Variants in ATP6V0A1 observed in about 807,000 individuals in gnomAD.
ATP6V0A1 encodes the protein V-type proton ATPase 116 kDa subunit a 1.
Under a neutral mutation model 105.4 loss-of-function variants are expected in ATP6V0A1, and 43 were observed. The ratio of observed to expected loss-of-function variants is 0.41; its 90% CI spans 0.32 to 0.53. The LOEUF (loss-of-function observed/expected upper bound fraction) is 0.53. ATP6V0A1 is among the 20% of genes least tolerant of loss of function. The probability of loss-of-function intolerance (pLI) is 0.30; values close to 1 mark genes in which losing one functional copy is unlikely to be tolerated. For synonymous variants in ATP6V0A1, 362 were observed against 372.8 expected (o/e 0.97, Z 0.33); for missense variants, 676 against 1,051.1 (o/e 0.64, Z 4.93).
At chr17:42,482,135 C>CTGGCCTTTTTTTT (rs1567827657) in intron 8 of ATP6V0A1, among the ~76,000 whole-genome samples, 2 of 152,006 alleles carry the variant, frequency 1.3e-5, no homozygotes, top group African/African-American at 4.8e-5. Flanking sequence ...GCCACTGTGC[C>CTGGCCTTTTTTTT]TGGCCTTTTT....
chr17:42,487,271 G>A lies in ATP6V0A1; in HGVS notation c.927G>A (p.Leu309=). Residue 309 remains leucine, a synonymous_variant, in exon 10 of 22, where the codon CTG becomes CTA. Transcript: ENST00000343619. ...KMKAIYHTLN[L]CNIDVTQKCL... is the part of the protein sequence containing the mutation. ...AGGCCATCTATCACACCCTGAACCTGTGCAACATAGATGTGACTCAGAAAT... is the reference window on the plus strand; with the variant it reads ...AGGCCATCTATCACACCCTGAACCTATGCAACATAGATGTGACTCAGAAAT... 2 of 1,614,190 alleles carry A rather than the reference G, an allele frequency of 1.2e-6. No homozygotes were observed. The highest frequency in any genetic ancestry group is 1.7e-6 in the Non-Finnish European group (2 of 1,180,036).
At chr17:42,462,967 C>G (rs191881357) in intron 2 of ATP6V0A1, among the ~76,000 whole-genome samples, 24 of 142,476 alleles carry the variant, frequency 1.7e-4, no homozygotes, top group African/African-American at 6.3e-4. Flanking sequence ...TTATACACCT[C>G]TGTAACCAGC....
chr17:42,472,905 CTG>C (rs1440870806), intron 5 of ATP6V0A1, among the ~76,000 whole-genome samples: 1 of 152,128 alleles, frequency 6.6e-6, no homozygotes, highest in African/African-American at 2.4e-5. Flanking sequence ...GAATCAGACA[CTG>C]TGGGAGTTAG....
chr17:42,481,949 C>T (rs2089564863), intron 8 of ATP6V0A1, among the ~76,000 whole-genome samples: 1 of 152,140 alleles, frequency 6.6e-6, no homozygotes. Flanking sequence ...TCCAGCGATT[C>T]TCCTGCCTCA....
At chr17:42,466,101 A>T (rs1390520604) in intron 2 of ATP6V0A1, among the ~76,000 whole-genome samples, 2 of 152,202 alleles carry the variant, frequency 1.3e-5, no homozygotes, top group African/African-American at 4.8e-5. Context: ...AACCAGAGAG[A>T]GCTTCTGTGA....
rs192462814 is a variant in ATP6V0A1, at chr17:42,475,266, A to G, written c.424-2394A>G. The stretch of plus-strand genomic sequence containing the variant: ...TGACATAGCTTGAACTGGATGTGCT[A>G]TTTATACTTAATTGCTGTAGAAACA... On this transcript the variant is annotated intron_variant, in intron 5 of 21. Transcript: ENST00000343619. Among the ~76,000 whole-genome samples the G allele has an allele frequency of 2.6e-5, 4 of 152,308 alleles. No individual in the cohort carries two copies. In the East Asian group the frequency reaches 5.8e-4, roughly 22 times the overall value.
chr17:42,520,777 C>T (rs946271319), intron 21 of ATP6V0A1: 2 of 493,828 alleles, frequency 4.0e-6, no homozygotes, highest in Non-Finnish European at 7.4e-6. Flanking sequence ...GAGAGTTGTG[C>T]ATAAACACAC....
rs2091092588 is a variant in ATP6V0A1, at chr17:42,495,710, T to C, written c.1554T>C (p.Ile518=). The change falls in exon 14 of 22, where the codon ATT becomes ATC. Residue 518 remains isoleucine, a synonymous_variant. Coordinates refer to ENST00000343619, the MANE Select transcript of ATP6V0A1 (RefSeq NM_001130021.3). Reference sequence around the variant, plus strand: ...TTGGTGGACCATACCCTTTTGGCATTGATCCAGTAAGAGGACTTCCTTCCT... The same window carrying C: ...TTGGTGGACCATACCCTTTTGGCATCGATCCAGTAAGAGGACTTCCTTCCT... ...GVFGGPYPFG[I]DPIWNIATNK... The C allele has an allele frequency of 6.2e-7, 1 of 1,612,714 alleles. No individual in the cohort carries two copies.
At chr17:42,459,427 A>G (rs969842920) in intron 1 of ATP6V0A1, among the ~76,000 whole-genome samples, 5 of 151,986 alleles carry the variant, frequency 3.3e-5, no homozygotes, top group African/African-American at 1.2e-4. Context: ...CTGTAGTTGG[A>G]CTCATCTTTT....
rs1201080114 is a variant in ATP6V0A1, at chr17:42,500,870, A to G, written c.1843A>G (p.Met615Val). The G allele has an allele frequency of 1.9e-6, 3 of 1,614,026 alleles. No homozygotes were observed. The highest frequency in any genetic ancestry group is 2.7e-5 in the African/African-American group (2 of 74,908). ...AAGCCTTCTGATCCATTTCATAAAC[A>G]TGTTCCTCTTTTCCTACCCAGAGTC... Reference protein sequence around the residue: ...APSLLIHFINMFLFSYPESGY... With the variant: ...APSLLIHFINVFLFSYPESGY... The change falls in exon 16 of 22, where the codon ATG (methionine) becomes GTG (valine). Residue 615 changes from methionine (M) to valine (V), a missense_variant. Transcript: ENST00000343619.
chr17:42,482,787 C>T (rs2089680144), intron 8 of ATP6V0A1, among the ~76,000 whole-genome samples: 1 of 150,942 alleles, frequency 6.6e-6, no homozygotes, highest in African/African-American at 2.4e-5. Flanking sequence ...ATCCCAGGTA[C>T]TTGGAAGGCT....
At position 42,516,449 on chromosome 17, in the gene ATP6V0A1, C is replaced by T. The variant is rs111259422; in HGVS notation, c.2420+1989C>T. Among the ~76,000 whole-genome samples, 303 of 152,322 alleles carry T rather than the reference C, an allele frequency of 2.0e-3. 1 individual carries two copies. Among genetic ancestry groups the T allele is most frequent in the Middle Eastern group, 3.4e-3 (1 of 294 alleles). On this transcript the variant is annotated intron_variant, in intron 21 of 21. Coordinates refer to ENST00000343619, the MANE Select transcript of ATP6V0A1 (RefSeq NM_001130021.3). Reference sequence around the variant, plus strand: ...CCCACCCAGCTCATCTGGCTGGCCTCCCTGTTCTAAGCTTATCAGCCGACC... The same window carrying T: ...CCCACCCAGCTCATCTGGCTGGCCTTCCTGTTCTAAGCTTATCAGCCGACC...
At chr17:42,462,506 G>A (rs1172995583) in intron 2 of ATP6V0A1, among the ~76,000 whole-genome samples, 1 of 151,876 alleles carries the variant, frequency 6.6e-6, no homozygotes, top group African/African-American at 2.4e-5. Context: ...TGCAGCCTCC[G>A]CCTCCCAGGT....
At chr17:42,482,248 T>C (rs564500623) in intron 8 of ATP6V0A1, among the ~76,000 whole-genome samples, 1 of 152,146 alleles carries the variant, frequency 6.6e-6, no homozygotes, top group East Asian at 1.9e-4. Flanking sequence ...CTGAGCTCAG[T>C]TGATTCTCCC....
chr17:42,517,983 T>G (rs1000425416), intron 21 of ATP6V0A1: 2 of 152,260 alleles, frequency 1.3e-5, no homozygotes, highest in Admixed American at 6.5e-5. Flanking sequence ...TTGAAAACAG[T>G]GAGCAGGCTA....
intron 2 of ATP6V0A1, among the ~76,000 whole-genome samples, chr17:42,465,471 G>A (rs569951724): frequency 1.3e-5 from 2 of 151,372 alleles, no homozygotes; most frequent in African/African-American, 2.4e-5. Context: ...TGTATTTTTA[G>A]TAGAGATGGA....
At chr17:42,469,260 A>G (rs1041018911) in intron 4 of ATP6V0A1, among the ~76,000 whole-genome samples, 7 of 152,114 alleles carry the variant, frequency 4.6e-5, no homozygotes, top group Admixed American at 3.9e-4. Flanking sequence ...CAAGTATACA[A>G]TAGAATGTGT....
At chr17:42,499,787 CAAA>C (rs773248675) in intron 15 of ATP6V0A1, among the ~76,000 whole-genome samples, 2 of 123,232 alleles carry the variant, frequency 1.6e-5, no homozygotes, top group Non-Finnish European at 1.7e-5. Flanking sequence ...GACTCCATCT[CAAA>C]AAAAAAAAAA....
chr17:42,489,468 A>G (rs1457581204), intron 10 of ATP6V0A1, among the ~76,000 whole-genome samples: 2 of 151,384 alleles, frequency 1.3e-5, no homozygotes, highest in East Asian at 3.9e-4. Flanking sequence ...TTCAGTTAGG[A>G]GGTTATTGTA....
Sources: allele counts gnomAD v4.1 joint callset (sites outside exome capture counted in the v4.1 genomes callset), GRCh38; gene constraint gnomAD v4.1.1; transcripts MANE v1.5; gene names NCBI Gene and HGNC (gene_info 2026-07-23, HGNC 2026-07-21).